AFG1L: variants seen among roughly 807,000 people sequenced by gnomAD.
The protein encoded by AFG1L is AFG1 like ATPase, also known as AFG1-like ATPase.
In AFG1L, 53 loss-of-function variants were observed where a neutral mutation model predicts 62.2. The observed-to-expected ratio is 0.85, with a 90% CI of 0.68 to 1.07. AFG1L has a LOEUF of 1.07. Among genes scored for constraint, AFG1L ranks in the 50% least tolerant of loss-of-function variants. The pLI, the probability that AFG1L is intolerant of heterozygous loss-of-function variation, is 0.00. For synonymous variants in AFG1L, 228 were observed against 210.3 expected, an observed-to-expected ratio of 1.08 and a Z score of -0.73; for missense variants, 555 against 590.5, an observed-to-expected ratio of 0.94 and a Z score of 0.62.
intron 6 of AFG1L, among the ~76,000 whole-genome samples, chr6:108,369,614 A>AT (rs562639329): frequency 0.02 from 2,915 of 146,268 alleles, 44 homozygotes; most frequent in Middle Eastern, 0.073. Context: ...TTAGGTCACA[A>AT]TTTTTTTTTT....
At chr6:108,482,989 T>C (rs891621475) in intron 10 of AFG1L, among the ~76,000 whole-genome samples, 1 of 152,154 alleles carries the variant, frequency 6.6e-6, no homozygotes, top group Non-Finnish European at 1.5e-5. Flanking sequence ...CATCAAAGAA[T>C]ATCCACAATT....
intron 2 of AFG1L, among the ~76,000 whole-genome samples, chr6:108,336,509 A>G (rs1289778034): frequency 6.6e-6 from 1 of 152,194 alleles, no homozygotes; most frequent in African/African-American, 2.4e-5. Flanking sequence ...TTAATATCAT[A>G]GGGAACAAAG....
chr6:108,427,860 A>G (rs1726192601), intron 7 of AFG1L, among the ~76,000 whole-genome samples: 2 of 152,146 alleles, frequency 1.3e-5, no homozygotes, highest in South Asian at 4.1e-4. Flanking sequence ...TTGTAATTAA[A>G]ACTTTGCTGG....
intron 1 of AFG1L, among the ~76,000 whole-genome samples, chr6:108,308,655 AG>A (rs1441867956): frequency 2.6e-5 from 4 of 152,046 alleles, no homozygotes; most frequent in Non-Finnish European, 5.9e-5. Flanking sequence ...CTAGGACTCT[AG>A]GGTTGTGCCC....
chr6:108,349,109 G>A (rs1053918013), intron 3 of AFG1L, among the ~76,000 whole-genome samples: 3 of 152,108 alleles, frequency 2.0e-5, no homozygotes, highest in African/African-American at 7.2e-5. Context: ...AATATAGAGA[G>A]GGGAAGAGAA....
At chr6:108,453,433 T>G (rs979570773) in intron 8 of AFG1L, among the ~76,000 whole-genome samples, 1 of 152,164 alleles carries the variant, frequency 6.6e-6, no homozygotes, top group Non-Finnish European at 1.5e-5. Flanking sequence ...AAATAGAAAA[T>G]CATTTTGGAG....
At chr6:108,374,355 C>A (rs1562117191) in intron 6 of AFG1L, among the ~76,000 whole-genome samples, 1 of 152,014 alleles carries the variant, frequency 6.6e-6, no homozygotes. Context: ...GCCTTACTTA[C>A]AAATTTTTGT....
At chr6:108,300,629 ACTGT>A (rs1290901545) in intron 1 of AFG1L, among the ~76,000 whole-genome samples, 2 of 150,978 alleles carry the variant, frequency 1.3e-5, no homozygotes, top group African/African-American at 4.9e-5. Flanking sequence ...CTTTGGACTT[ACTGT>A]CTGTTTCCCT....
At chr6:108,301,778 T>C (rs1302556436) in intron 1 of AFG1L, among the ~76,000 whole-genome samples, 2 of 152,180 alleles carry the variant, frequency 1.3e-5, no homozygotes, top group African/African-American at 2.4e-5. Context: ...GTGGGGTTGC[T>C]AGGTGATTCC....
chr6:108,402,333 T>G (rs1415030198), intron 7 of AFG1L, among the ~76,000 whole-genome samples: 1 of 115,444 alleles, frequency 8.7e-6, no homozygotes, highest in Non-Finnish European at 1.7e-5. Context: ...TGTGGTGGCA[T>G]GCACCTGTAA....
At chr6:108,382,256 TC>T in intron 6 of AFG1L, among the ~76,000 whole-genome samples, 2 of 152,166 alleles carry the variant, frequency 1.3e-5, no homozygotes, top group East Asian at 3.8e-4. Context: ...CGCCTTGGCT[TC>T]CCAAAGTGCT....
chr6:108,509,808 T>C (rs1357763261), intron 10 of AFG1L, among the ~76,000 whole-genome samples: 1 of 152,206 alleles, frequency 6.6e-6, no homozygotes, highest in Non-Finnish European at 1.5e-5. Flanking sequence ...AAATACAGTG[T>C]CTTTTTGTAA....
chr6:108,476,785 AG>A (rs1237220896), intron 8 of AFG1L, 79 bp from the exon 9 acceptor site: 1 of 955,380 alleles, frequency 1.0e-6, no homozygotes, highest in Non-Finnish European at 1.7e-6. Flanking sequence ...ATGGGCAAAA[AG>A]CTAAGCAGTC....
At chr6:108,348,630 A>G (rs574851609) in intron 3 of AFG1L, among the ~76,000 whole-genome samples, 2 of 152,328 alleles carry the variant, frequency 1.3e-5, no homozygotes, top group African/African-American at 4.8e-5. Flanking sequence ...GCTAATTGGT[A>G]CTTTTGAGAC....
intron 5 of AFG1L, among the ~76,000 whole-genome samples, chr6:108,362,277 GA>G (rs1779571103): frequency 1.3e-5 from 2 of 151,844 alleles, no homozygotes; most frequent in Non-Finnish European, 2.9e-5. Flanking sequence ...TAATATGGTT[GA>G]TTTTTTTTCA....
intron 10 of AFG1L, among the ~76,000 whole-genome samples, chr6:108,479,982 C>T (rs1264719313): frequency 1.3e-5 from 2 of 152,118 alleles, no homozygotes; most frequent in African/African-American, 4.8e-5. Context: ...CAGAAACTTA[C>T]CTGTGTCTTG....
chr6:108,336,996 A>G (rs1414877116), intron 2 of AFG1L, among the ~76,000 whole-genome samples: 1 of 152,214 alleles, frequency 6.6e-6, no homozygotes, highest in Admixed American at 6.5e-5. Flanking sequence ...GATTTAGCAA[A>G]TAAAAATACA....
At chr6:108,494,856 C>T (rs571342536) in intron 10 of AFG1L, among the ~76,000 whole-genome samples, 6 of 151,396 alleles carry the variant, frequency 4.0e-5, no homozygotes, top group South Asian at 2.1e-4. Context: ...CTGCAACCTA[C>T]GCCTCCCAGG....
intron 6 of AFG1L, among the ~76,000 whole-genome samples, chr6:108,376,907 T>A (rs942944287): frequency 6.6e-6 from 1 of 152,194 alleles, no homozygotes; most frequent in Non-Finnish European, 1.5e-5. Flanking sequence ...GTTTTATGAA[T>A]CTGGATGCTC....
Sources: allele counts gnomAD v4.1 joint callset (sites outside exome capture counted in the v4.1 genomes callset), GRCh38; gene constraint gnomAD v4.1.1; transcripts MANE v1.5; gene names NCBI Gene and HGNC (gene_info 2026-07-23, HGNC 2026-07-21).